Variants in GABRG2 observed in about 807,000 individuals in gnomAD.
GABRG2 encodes the protein gamma-aminobutyric acid receptor subunit gamma-2.
Under a neutral mutation model 56.4 loss-of-function variants are expected in GABRG2, and 16 were observed. The observed-to-expected ratio is 0.28, with a 90% CI of 0.19 to 0.43. The LOEUF is 0.43. Among genes scored for constraint, GABRG2 ranks in the 20% least tolerant of loss-of-function variants. The pLI, the probability that GABRG2 is intolerant of heterozygous loss-of-function variation, is 1.00. For synonymous variants in GABRG2, 208 were observed against 205.5 expected, an observed-to-expected ratio of 1.01 and a Z score of -0.10; for missense variants, 327 against 582.7, an observed-to-expected ratio of 0.56 and a Z score of 4.52.
chr5:162,071,525 T>C (rs548838869), intron 1 of GABRG2, among the ~76,000 whole-genome samples: 107 of 152,068 alleles, frequency 7.0e-4, no homozygotes, highest in African/African-American at 2.5e-3. Context: ...TAATGGTTTA[T>C]ACATATTTTC....
chr5:162,092,796 G>A (rs1225858901), intron 1 of GABRG2, among the ~76,000 whole-genome samples: 2 of 152,018 alleles, frequency 1.3e-5, no homozygotes, highest in East Asian at 3.9e-4. Flanking sequence ...GGCAGGGGTG[G>A]GAAATGTTAT....
At chr5:162,105,940 C>T (rs1761795487) in intron 6 of GABRG2, among the ~76,000 whole-genome samples, 1 of 152,042 alleles carries the variant, frequency 6.6e-6, no homozygotes, top group Non-Finnish European at 1.5e-5. Flanking sequence ...TATTCCAGCA[C>T]TCTAAAACAG....
intron 5 of GABRG2, chr5:162,102,238 T>G (rs1482305601): frequency 9.1e-6 from 2 of 218,824 alleles, no homozygotes; most frequent in East Asian, 1.1e-4. Context: ...ATTATAAAAC[T>G]TATTTCATGT....
At chr5:162,093,028 G>A (rs1760727156) in intron 1 of GABRG2, among the ~76,000 whole-genome samples, 1 of 152,074 alleles carries the variant, frequency 6.6e-6, no homozygotes, top group Non-Finnish European at 1.5e-5. Context: ...ATTCTCAGGT[G>A]GCTTCCAGCC....
chr5:162,104,108 AC>A, intron 6 of GABRG2, 82 bp downstream of exon 6: 1 of 1,223,620 alleles, frequency 8.2e-7, no homozygotes, highest in Non-Finnish European at 1.2e-6. Flanking sequence ...ATTTTTCAAT[AC>A]CTCTCAATGA....
intron 6 of GABRG2, among the ~76,000 whole-genome samples, chr5:162,135,941 T>C (rs1286512400): frequency 6.6e-6 from 1 of 152,136 alleles, no homozygotes; most frequent in Non-Finnish European, 1.5e-5. Flanking sequence ...AGAATTTTAG[T>C]GTGACCTGAT....
chr5:162,087,182 T>C (rs970931626), intron 1 of GABRG2, among the ~76,000 whole-genome samples: 9 of 152,036 alleles, frequency 5.9e-5, no homozygotes, highest in African/African-American at 2.2e-4. Flanking sequence ...CTGACATTGA[T>C]TATTTTTTTC....
At chr5:162,079,309 T>G (rs1048746222) in intron 1 of GABRG2, among the ~76,000 whole-genome samples, 1 of 152,164 alleles carries the variant, frequency 6.6e-6, no homozygotes, top group Non-Finnish European at 1.5e-5. Context: ...TAGTCTCCTT[T>G]ACTTCAGGTT....
chr5:162,078,371 A>C (rs1430517500), intron 1 of GABRG2, among the ~76,000 whole-genome samples: 1 of 43,896 alleles, frequency 2.3e-5, no homozygotes, highest in African/African-American at 9.9e-5. Context: ...GCATCTTACT[A>C]TATATATATA....
intron 7 of GABRG2, among the ~76,000 whole-genome samples, chr5:162,148,334 A>C (rs1485229085): frequency 2.0e-5 from 3 of 152,204 alleles, no homozygotes; most frequent in African/African-American, 7.2e-5. Flanking sequence ...TCAAAGAAAC[A>C]ATGTATATGA....
At chr5:162,119,858 G>A (rs1003472539) in intron 6 of GABRG2, among the ~76,000 whole-genome samples, 1 of 151,994 alleles carries the variant, frequency 6.6e-6, no homozygotes. Context: ...TAATTTGAAG[G>A]TATTGGTATA....
chr5:162,132,711 T>C (rs556178667), intron 6 of GABRG2, among the ~76,000 whole-genome samples: 3 of 152,186 alleles, frequency 2.0e-5, no homozygotes, highest in Middle Eastern at 3.4e-3. Flanking sequence ...TAGACTATTA[T>C]ATCTGCTTCT....
chr5:162,073,819 G>A (rs1210817434), intron 1 of GABRG2, among the ~76,000 whole-genome samples: 1 of 151,926 alleles, frequency 6.6e-6, no homozygotes, highest in Non-Finnish European at 1.5e-5. Context: ...GTAGACTCAT[G>A]AATTAGATGA....
chr5:162,136,976 T>C (rs1561656827), intron 6 of GABRG2, among the ~76,000 whole-genome samples: 1 of 152,112 alleles, frequency 6.6e-6, no homozygotes, highest in Non-Finnish European at 1.5e-5. Context: ...CAGGACCTGG[T>C]TGGCAGGAGA....
chr5:162,142,898 AT>A (rs1197006876), intron 7 of GABRG2: 4 of 114,506 alleles, frequency 3.5e-5, no homozygotes, highest in African/African-American at 1.5e-4. Context: ...TTAAAGCATA[AT>A]AAAAAAAAAA....
chr5:162,135,214 C>T (rs1334960648), intron 6 of GABRG2, among the ~76,000 whole-genome samples: 19 of 151,982 alleles, frequency 1.3e-4, no homozygotes, highest in African/African-American at 4.3e-4. Flanking sequence ...GCTGATTTCC[C>T]TTCTCTCTTT....
intron 6 of GABRG2, among the ~76,000 whole-genome samples, chr5:162,114,025 C>T (rs563622026): frequency 1.3e-5 from 2 of 152,292 alleles, no homozygotes; most frequent in South Asian, 4.1e-4. Flanking sequence ...TTGACTCCTG[C>T]CTATAGCAGG....
Position 162,068,040 on chromosome 5 carries a change from A to G in GABRG2, c.41A>G (p.Tyr14Cys), listed in dbSNP as rs61750979. The G allele has an allele frequency of 5.2e-5, 84 of 1,612,180 alleles. No homozygotes were observed. The highest frequency in any genetic ancestry group is 6.4e-5 in the Non-Finnish European group (76 of 1,179,688). The change falls in exon 1 of 10, where the codon TAC becomes TGC. Residue 14 changes from tyrosine (Y) to cysteine (C), a missense_variant. By Grantham distance (194) the Tyr-to-Cys change is radical. This residue lies in a region of GABRG2 where 73 missense variants were observed against 72.2 expected (regional missense o/e 1.01). Transcript: ENST00000639213. ...ATATGGAGCACAGGAAGCTCAGTCTACTCGACTCCTGTATTTTCACAGAAA... is the reference window on the plus strand; with the variant it reads ...ATATGGAGCACAGGAAGCTCAGTCTGCTCGACTCCTGTATTTTCACAGAAA... ...PNIWSTGSSV[Y>C]STPVFSQKMT...
chr5:162,117,897 T>C (rs950230560), intron 6 of GABRG2, among the ~76,000 whole-genome samples: 1 of 152,108 alleles, frequency 6.6e-6, no homozygotes, highest in African/African-American at 2.4e-5. Context: ...ATGATGATGA[T>C]GACGCAGATG....
Sources: gnomAD v4.1 joint callset for allele counts (sites outside exome capture counted in the v4.1 genomes callset) on GRCh38, gnomAD v4.1.1 for gene constraint, gnomAD v4.1.1 regional missense constraint, MANE v1.5 for transcripts, NCBI Gene and HGNC (gene_info 2026-07-23, HGNC 2026-07-21) for gene names.